Variants in BAZ2B observed in about 807,000 individuals in gnomAD.
The protein encoded by BAZ2B is bromodomain adjacent to zinc finger domain 2B.
A neutral mutation model predicts 246.0 loss-of-function variants in BAZ2B; 91 were observed. The ratio of observed to expected loss-of-function variants is 0.37; its 90% CI spans 0.31 to 0.44. The LOEUF is 0.44. Among genes scored for constraint, BAZ2B ranks in the 20% least tolerant of loss-of-function variants. BAZ2B has a pLI of 1.00. For missense variants in BAZ2B, 2,332 were observed against 2,533.7 expected, an observed-to-expected ratio of 0.92 and a Z score of 1.71; for synonymous variants, 855 against 860.0, an observed-to-expected ratio of 0.99 and a Z score of 0.10.
chr2:159,612,647 T>C (rs908493096), intron 1 of BAZ2B, among the ~76,000 whole-genome samples: 4 of 152,184 alleles, frequency 2.6e-5, no homozygotes, highest in Non-Finnish European at 4.4e-5. Flanking sequence ...ACATCTTGTA[T>C]AGTAACACAA....
intron 6 of BAZ2B, among the ~76,000 whole-genome samples, chr2:159,443,418 C>G (rs191565109): frequency 5.3e-4 from 81 of 152,186 alleles, no homozygotes; most frequent in African/African-American, 1.8e-3. Context: ...AGTACCCCAC[C>G]TCCCATGGGA....
chr2:159,360,354 A>G (rs2059550425), intron 27 of BAZ2B, among the ~76,000 whole-genome samples: 2 of 152,214 alleles, frequency 1.3e-5, no homozygotes, highest in African/African-American at 4.8e-5. Context: ...CCCATTCACA[A>G]TTGCTACAAA....
chr2:159,398,112 G>T (rs1282179878), intron 18 of BAZ2B: 5 of 151,946 alleles, frequency 3.3e-5, no homozygotes, highest in Non-Finnish European at 7.4e-5. Context: ...AAAATAAACA[G>T]TTCCCTGGCT....
At chr2:159,582,652 T>G (rs540061124) in intron 1 of BAZ2B, among the ~76,000 whole-genome samples, 1 of 152,306 alleles carries the variant, frequency 6.6e-6, no homozygotes, top group Non-Finnish European at 1.5e-5. Context: ...CCCAAAGTGC[T>G]GGGATTACAG....
At chr2:159,354,351 A>AT (rs544001553) in intron 27 of BAZ2B, among the ~76,000 whole-genome samples, 1,721 of 151,888 alleles carry the variant, frequency 0.011, 42 homozygotes, top group African/African-American at 0.039. Context: ...TAATTAAAAA[A>AT]AATATATATA....
chr2:159,500,278 C>T lies in BAZ2B; in HGVS notation c.-2-21557G>A, dbSNP rs371393282. On this transcript the variant is annotated intron_variant, in intron 2 of 36. Coordinates refer to ENST00000392783, the MANE Select transcript of BAZ2B (RefSeq NM_013450.4). ...AGCACCCTCTGTTAAATAGGGAGTC[C>T]TTTTCCCATTGCTTGTTTTTGTCAG... Among the ~76,000 whole-genome samples the T allele has an allele frequency of 1.9e-3, 283 of 152,252 alleles. 1 individual carries two copies. Among genetic ancestry groups the T allele is most frequent in the African/African-American group, 6.5e-3 (270 of 41,542 alleles).
At chr2:159,559,240 TAA>T (rs200773609) in intron 1 of BAZ2B, among the ~76,000 whole-genome samples, 1 of 144,134 alleles carries the variant, frequency 6.9e-6, no homozygotes, top group Non-Finnish European at 1.5e-5. Flanking sequence ...GTAACCCTGT[TAA>T]AAAAAAAAAA....
intron 2 of BAZ2B, among the ~76,000 whole-genome samples, chr2:159,526,104 A>AT (rs973290640): frequency 1.3e-5 from 2 of 151,654 alleles, no homozygotes; most frequent in East Asian, 1.9e-4. Context: ...AGTAGGGATA[A>AT]TTTTTTTTTA....
intron 2 of BAZ2B, among the ~76,000 whole-genome samples, chr2:159,509,431 T>C (rs1172357863): frequency 2.0e-5 from 3 of 152,268 alleles, no homozygotes; most frequent in Non-Finnish European, 4.4e-5. Flanking sequence ...TTTTTAAAAG[T>C]TCACTTTAAG....
At chr2:159,594,955 T>C (rs1690305005) in intron 1 of BAZ2B, among the ~76,000 whole-genome samples, 1 of 151,934 alleles carries the variant, frequency 6.6e-6, no homozygotes, top group Admixed American at 6.6e-5. Flanking sequence ...ATTTCAACAG[T>C]AAGTATATTT....
rs141534437 is a variant in BAZ2B, at chr2:159,346,378, C to G, written c.5454+1108G>C. ...AAGCAAGGCATTTCAAATCAAATTACATGGAGATTAAGGTTTCTAAACCTT... is the reference window on the plus strand; with the variant it reads ...AAGCAAGGCATTTCAAATCAAATTAGATGGAGATTAAGGTTTCTAAACCTT... On this transcript the variant is annotated intron_variant, in intron 31 of 36. Coordinates refer to ENST00000392783, the MANE Select transcript of BAZ2B (RefSeq NM_013450.4). Among the ~76,000 whole-genome samples, 9 of 152,258 alleles carry G rather than the reference C, an allele frequency of 5.9e-5. No individual in the cohort carries two copies. In the East Asian group the frequency reaches 1.7e-3, roughly 29 times the overall value.
At chr2:159,577,339 TAC>T (rs923282146) in intron 1 of BAZ2B, among the ~76,000 whole-genome samples, 1 of 152,238 alleles carries the variant, frequency 6.6e-6, no homozygotes, top group Non-Finnish European at 1.5e-5. Flanking sequence ...TGTGTATATT[TAC>T]AGGGAAGAGC....
chr2:159,527,923 G>A (rs1274858410), intron 2 of BAZ2B, among the ~76,000 whole-genome samples: 1 of 152,166 alleles, frequency 6.6e-6, no homozygotes, highest in African/African-American at 2.4e-5. Context: ...ACAGGGGAAG[G>A]CTATGTCAGG....
the BAZ2B span, among the ~76,000 whole-genome samples, chr2:159,627,425 A>C: frequency 6.6e-6 from 1 of 152,048 alleles, no homozygotes; most frequent in Non-Finnish European, 1.5e-5. Context: ...CTCAATAAAA[A>C]ACTGTCAAAC....
intron 1 of BAZ2B, among the ~76,000 whole-genome samples, chr2:159,558,420 C>T (rs1268193696): frequency 6.6e-6 from 1 of 152,030 alleles, no homozygotes; most frequent in Non-Finnish European, 1.5e-5. Context: ...CCATGCCTGG[C>T]TAATTTTTTT....
chr2:159,621,694 A>G, the BAZ2B span, among the ~76,000 whole-genome samples: 1 of 152,214 alleles, frequency 6.6e-6, no homozygotes, highest in Non-Finnish European at 1.5e-5. Context: ...GTTCAAGGCC[A>G]CACATGGTAG....
chr2:159,393,980 A>C (rs77317905), intron 20 of BAZ2B, among the ~76,000 whole-genome samples: 8,906 of 152,208 alleles, frequency 0.059, 358 homozygotes, highest in Middle Eastern at 0.14. Flanking sequence ...TCCCCCTCTC[A>C]GATGATCTCA....
chr2:159,487,801 T>TA (rs2080006277), intron 2 of BAZ2B, among the ~76,000 whole-genome samples: 2 of 151,608 alleles, frequency 1.3e-5, no homozygotes, highest in Admixed American at 6.6e-5. Flanking sequence ...AAAAAGAATT[T>TA]AAAAAAATGA....
chr2:159,374,441 A>C (rs915503372), intron 26 of BAZ2B, among the ~76,000 whole-genome samples: 16 of 152,204 alleles, frequency 1.1e-4, no homozygotes, highest in African/African-American at 3.9e-4. Context: ...GGCTCTGATT[A>C]AGTTCAATAT....
Sources: allele counts gnomAD v4.1 joint callset (sites outside exome capture counted in the v4.1 genomes callset), GRCh38; gene constraint gnomAD v4.1.1; transcripts MANE v1.5; gene names NCBI Gene and HGNC (gene_info 2026-07-23, HGNC 2026-07-21).